Variants in SEMA5A observed in about 807,000 individuals in gnomAD.
SEMA5A encodes the protein semaphorin 5A.
In SEMA5A, 55 loss-of-function variants were observed where a neutral mutation model predicts 135.5. The observed-to-expected ratio is 0.41, with a 90% confidence interval of 0.33 to 0.51. The LOEUF (loss-of-function observed/expected upper bound fraction) is 0.51, where lower values mean the gene tolerates loss of function less well. SEMA5A is among the 20% of genes least tolerant of loss of function. The pLI is 0.37. For synonymous variants in SEMA5A, 580 were observed against 546.5 expected, an observed-to-expected ratio of 1.06 and a Z score of -0.85; for missense variants, 1,290 against 1,419.9, an observed-to-expected ratio of 0.91 and a Z score of 1.47.
At chr5:9,450,001 G>A (rs142565622) in intron 1 of SEMA5A, among the ~76,000 whole-genome samples, 175 of 152,274 alleles carry the variant, frequency 1.1e-3, no homozygotes, top group African/African-American at 3.0e-3. Context: ...CCCTGTTTTA[G>A]ATAACAATGG....
At chr5:9,127,291 A>T (rs926591280) in intron 13 of SEMA5A, among the ~76,000 whole-genome samples, 3 of 152,148 alleles carry the variant, frequency 2.0e-5, no homozygotes. Flanking sequence ...TCTATCCTGG[A>T]TGCTAATCCA....
intron 1 of SEMA5A, among the ~76,000 whole-genome samples, chr5:9,439,297 G>A (rs547060994): frequency 4.5e-4 from 68 of 152,256 alleles, no homozygotes; most frequent in African/African-American, 1.6e-3. Flanking sequence ...CTTTGGGCGT[G>A]GCAACAAAAT....
At chr5:9,343,431 C>T (rs1252468926) in intron 3 of SEMA5A, among the ~76,000 whole-genome samples, 1 of 152,078 alleles carries the variant, frequency 6.6e-6, no homozygotes, top group East Asian at 1.9e-4. Flanking sequence ...GTCTTCACCT[C>T]CTCAAGATGG....
intron 21 of SEMA5A, among the ~76,000 whole-genome samples, chr5:9,047,407 A>G (rs539949259): frequency 5.3e-4 from 80 of 152,314 alleles, no homozygotes; most frequent in South Asian, 2.5e-3. Flanking sequence ...AAGACAAAAA[A>G]TTTGAATTGA....
At chr5:9,094,136 A>G (rs749821585) in intron 16 of SEMA5A, among the ~76,000 whole-genome samples, 1 of 152,210 alleles carries the variant, frequency 6.6e-6, no homozygotes, top group Non-Finnish European at 1.5e-5. Flanking sequence ...AGTTTACTGT[A>G]TCCATCTACA....
chr5:9,411,356 T>C (rs530367878), intron 2 of SEMA5A, among the ~76,000 whole-genome samples: 1 of 152,230 alleles, frequency 6.6e-6, no homozygotes, highest in African/African-American at 2.4e-5. Flanking sequence ...CCCTCTGAAC[T>C]GAGCCTCATC....
chr5:9,254,341 G>A (rs1195741114), intron 5 of SEMA5A, among the ~76,000 whole-genome samples: 1 of 152,196 alleles, frequency 6.6e-6, no homozygotes, highest in Non-Finnish European at 1.5e-5. Flanking sequence ...TTGTAGAGAA[G>A]ATGGAGGATT....
intron 3 of SEMA5A, among the ~76,000 whole-genome samples, chr5:9,363,967 G>A (rs970141877): frequency 6.6e-6 from 1 of 152,194 alleles, no homozygotes; most frequent in African/African-American, 2.4e-5. Context: ...GAGAAGCACA[G>A]TATTTCATTA....
intron 3 of SEMA5A, among the ~76,000 whole-genome samples, chr5:9,347,587 A>G (rs879831537): frequency 5.3e-5 from 8 of 152,164 alleles, no homozygotes; most frequent in Non-Finnish European, 1.0e-4. Context: ...TCTATGGCAT[A>G]AAATGTATCC....
intron 3 of SEMA5A, among the ~76,000 whole-genome samples, chr5:9,358,533 C>T (rs1388590411): frequency 1.3e-5 from 2 of 152,204 alleles, no homozygotes; most frequent in Non-Finnish European, 2.9e-5. Flanking sequence ...TTCAATTTGT[C>T]TATTGACACA....
chr5:9,369,670 T>G (rs2126427042), intron 3 of SEMA5A, among the ~76,000 whole-genome samples: 1 of 152,304 alleles, frequency 6.6e-6, no homozygotes, highest in Admixed American at 6.5e-5. Flanking sequence ...TGTGGGCCTA[T>G]TTCTGATCTC....
At chr5:9,114,204 G>C (rs1740391413) in intron 15 of SEMA5A, among the ~76,000 whole-genome samples, 1 of 152,148 alleles carries the variant, frequency 6.6e-6, no homozygotes, top group Admixed American at 6.5e-5. Context: ...GACACAAAAT[G>C]GCAACTACTG....
chr5:9,539,749 T>C (rs956209204), intron 1 of SEMA5A, among the ~76,000 whole-genome samples: 1 of 152,224 alleles, frequency 6.6e-6, no homozygotes, highest in East Asian at 1.9e-4. Flanking sequence ...CATTGTGGAA[T>C]TGGGATTTTT....
Position 9,066,506 on chromosome 5 carries a change from A to G in SEMA5A, c.2214T>C (p.Ala738=), listed in dbSNP as rs142642861. The G allele has an allele frequency of 4.2e-4, 677 of 1,614,172 alleles. No homozygotes were observed. Among genetic ancestry groups the G allele is most frequent in the Non-Finnish European group, 5.1e-4 (604 of 1,180,028 alleles). ...TTCCCACTTCCAGCAAATTCGGATC[A>G]GCCAGGCGGGCTTTGCATGTGTATC... ...RFRYTCKARL[A]DPNLLEVGRQ... is the part of the protein sequence containing the mutation. The change falls in exon 17 of 23, where the codon GCT becomes GCC. Residue 738 remains alanine (A), a synonymous_variant. Transcript: ENST00000382496.
At chr5:9,150,535 C>T (rs778962802) in intron 12 of SEMA5A, among the ~76,000 whole-genome samples, 6 of 152,016 alleles carry the variant, frequency 3.9e-5, no homozygotes, top group African/African-American at 7.3e-5. Context: ...TCAAACTTGA[C>T]GGAAATATAA....
At chr5:9,162,418 G>GTATATA (rs1743310474) in intron 11 of SEMA5A, among the ~76,000 whole-genome samples, 1 of 147,722 alleles carries the variant, frequency 6.8e-6, no homozygotes, top group Non-Finnish European at 1.5e-5. Flanking sequence ...ATATATGTGT[G>GTATATA]TGTATATATA....
chr5:9,130,198 T>A (rs1350135368), intron 13 of SEMA5A, among the ~76,000 whole-genome samples: 1 of 152,168 alleles, frequency 6.6e-6, no homozygotes, highest in African/African-American at 2.4e-5. Flanking sequence ...ATTTGGTGAG[T>A]GCAGAGGTCC....
chr5:9,352,097 G>GGGGA (rs1754147166), intron 3 of SEMA5A, among the ~76,000 whole-genome samples: 1 of 149,056 alleles, frequency 6.7e-6, no homozygotes, highest in Non-Finnish European at 1.5e-5. Context: ...AACAGGTCGG[G>GGGGA]GGGGTTACTT....
At chr5:9,333,568 A>T (rs865793601) in intron 4 of SEMA5A, among the ~76,000 whole-genome samples, 1 of 152,218 alleles carries the variant, frequency 6.6e-6, no homozygotes, top group African/African-American at 2.4e-5. Context: ...ATCTGCAGTG[A>T]AACTTACACT....
Sources: gnomAD v4.1 joint callset for allele counts (sites outside exome capture counted in the v4.1 genomes callset) on GRCh38, gnomAD v4.1.1 for gene constraint, MANE v1.5 for transcripts, NCBI Gene and HGNC (gene_info 2026-07-23, HGNC 2026-07-21) for gene names.